RBP7: variants seen among roughly 807,000 people sequenced by gnomAD.
RBP7 encodes retinoid-binding protein 7.
A neutral mutation model predicts 16.7 loss-of-function variants in RBP7; 13 were observed. The ratio of observed to expected loss-of-function variants is 0.78; its 90% CI spans 0.51 to 1.24. The LOEUF is 1.24. RBP7 is among the 50% of genes most tolerant of loss of function. RBP7 has a pLI of 0.00. For synonymous variants in RBP7, 54 were observed against 56.2 expected (o/e 0.96, Z 0.17); for missense variants, 145 against 159.5 (o/e 0.91, Z 0.49).
intron 1 of RBP7, among the ~76,000 whole-genome samples, chr1:10,003,142 G>A (rs1002473725): frequency 6.6e-5 from 10 of 152,088 alleles, no homozygotes; most frequent in African/African-American, 1.4e-4. Flanking sequence ...TAAACCACCC[G>A]TTAGCCGGGC....
At chr1:10,011,772 C>T (rs1642624718) in intron 3 of RBP7, among the ~76,000 whole-genome samples, 1 of 151,938 alleles carries the variant, frequency 6.6e-6, no homozygotes, top group Admixed American at 6.6e-5. Flanking sequence ...AGTAAGAGGT[C>T]AGGCATGGGA....
intron 1 of RBP7, among the ~76,000 whole-genome samples, chr1:10,000,329 T>A (rs112502382): frequency 0.027 from 4,045 of 150,914 alleles, 65 homozygotes; most frequent in African/African-American, 0.036. Flanking sequence ...GTCAGGAGTT[T>A]GAGACCAGCC....
chr1:10,001,962 G>A (rs2101732750), intron 1 of RBP7, among the ~76,000 whole-genome samples: 1 of 152,150 alleles, frequency 6.6e-6, no homozygotes, highest in East Asian at 1.9e-4. Flanking sequence ...CCAAGTAGCT[G>A]GGATTACAGG....
intron 1 of RBP7, among the ~76,000 whole-genome samples, chr1:10,002,792 C>T (rs1428636901): frequency 6.6e-6 from 1 of 152,184 alleles, no homozygotes; most frequent in African/African-American, 2.4e-5. Context: ...GCCTGAGCCA[C>T]TGGACCTGGC....
At chr1:10,000,298 G>T (rs868657266) in intron 1 of RBP7, among the ~76,000 whole-genome samples, 34 of 151,626 alleles carry the variant, frequency 2.2e-4, no homozygotes, top group African/African-American at 8.2e-4. Flanking sequence ...TTGGGAGGCC[G>T]AGGTGGGTGG....
chr1:10,014,277 G>A, intron 3 of RBP7, among the ~76,000 whole-genome samples: 1 of 152,138 alleles, frequency 6.6e-6, no homozygotes, highest in Admixed American at 6.6e-5. Context: ...GAACATTCAT[G>A]TGTGTGGTGA....
At chr1:10,009,635 G>A (rs570482808) in intron 3 of RBP7, among the ~76,000 whole-genome samples, 3 of 150,658 alleles carry the variant, frequency 2.0e-5, no homozygotes, top group South Asian at 2.1e-4. Flanking sequence ...GGGTTCAAGC[G>A]ATCCTCCCAC....
intron 3 of RBP7, among the ~76,000 whole-genome samples, chr1:10,011,436 T>C (rs1380602979): frequency 6.6e-6 from 1 of 152,204 alleles, no homozygotes. Context: ...TATAGCTGTC[T>C]AGGTTACAGC....
chr1:10,013,931 G>A (rs1378964257), intron 3 of RBP7, among the ~76,000 whole-genome samples: 2 of 152,010 alleles, frequency 1.3e-5, no homozygotes, highest in Non-Finnish European at 2.9e-5. Context: ...AGCCATGACT[G>A]CACCACTGCA....
At chr1:10,014,793 T>A (rs888769727) in intron 3 of RBP7, among the ~76,000 whole-genome samples, 1 of 152,134 alleles carries the variant, frequency 6.6e-6, no homozygotes, top group Non-Finnish European at 1.5e-5. Flanking sequence ...GAGGAGGGGT[T>A]GTGGGAAAAC....
chr1:10,010,345 A>C (rs949963083), intron 3 of RBP7, among the ~76,000 whole-genome samples: 1 of 151,798 alleles, frequency 6.6e-6, no homozygotes, highest in African/African-American at 2.4e-5. Flanking sequence ...CAAACCCCTG[A>C]CCTCAGGTGA....
At chr1:10,011,309 A>T (rs1642610212) in intron 3 of RBP7, among the ~76,000 whole-genome samples, 1 of 152,156 alleles carries the variant, frequency 6.6e-6, no homozygotes, top group Admixed American at 6.6e-5. Flanking sequence ...AGAAACAGGG[A>T]AGTGAGTCTG....
At chr1:10,004,601 CT>C (rs1642378519) in intron 1 of RBP7, among the ~76,000 whole-genome samples, 5 of 151,996 alleles carry the variant, frequency 3.3e-5, no homozygotes, top group Admixed American at 2.0e-4. Context: ...TCGCGTTGGT[CT>C]GCCCGCCTCG....
At chr1:10,000,970 G>A (rs867813859) in intron 1 of RBP7, among the ~76,000 whole-genome samples, 12 of 151,926 alleles carry the variant, frequency 7.9e-5, no homozygotes, top group African/African-American at 2.4e-4. Context: ...TCCTGACCTC[G>A]TGATCCACCC....
At chr1:10,013,411 GTGGTTCACTTCCGTAAT>G (rs1642683380) in intron 3 of RBP7, among the ~76,000 whole-genome samples, 1 of 152,048 alleles carries the variant, frequency 6.6e-6, no homozygotes, top group Non-Finnish European at 1.5e-5. Context: ...GCTGGGTGTG[GTGGTTCACTTCCGTAAT>G]CCCAGCACTT....
chr1:10,008,222 A>G lies in RBP7; in HGVS notation c.302A>G (p.Glu101Gly). The G allele has an allele frequency of 6.2e-7, 1 of 1,613,354 alleles. No individual in the cohort carries two copies. The highest frequency in any genetic ancestry group is 1.3e-5 in the African/African-American group (1 of 74,866). The change falls in exon 3 of 4, where the codon GAA (glutamate) becomes GGA (glycine). Residue 101 changes from glutamate to glycine, a missense_variant. By Grantham distance (98) the Glu-to-Gly change is moderately conservative. Coordinates refer to ENST00000294435, the MANE Select transcript of RBP7 (RefSeq NM_052960.3). ...NDRLTCIQKGEKKNRGWTHWI... is the reference protein window; with the variant it reads ...NDRLTCIQKGGKKNRGWTHWI... ...AGGCTCACCTGTATCCAGAAGGGAGAAAAGAAGAACAGAGGCTGGACCCAT... is the reference window on the plus strand; with the variant it reads ...AGGCTCACCTGTATCCAGAAGGGAGGAAAGAAGAACAGAGGCTGGACCCAT...
chr1:10,015,957 G>A lies in RBP7; in HGVS notation c.*125G>A, dbSNP rs533508177. ...TCGTGGCTGGAGAGAGCCACACAGCGTGTAACCTGAAGTCATCTAGATTAT... is the reference window on the plus strand; with the variant it reads ...TCGTGGCTGGAGAGAGCCACACAGCATGTAACCTGAAGTCATCTAGATTAT... On this transcript the variant is annotated 3_prime_UTR_variant, in exon 4 of 4. Transcript: ENST00000294435. 1.1e-4 allele frequency: 88 copies of A among 800,572 alleles called. 1 individual carries two copies. Among genetic ancestry groups the A allele is most frequent in the South Asian group, 1.0e-3 (70 of 67,128 alleles). The allele number at this position is 800,572 out of a possible 1,614,324, so 49.6% of individuals were successfully genotyped here.
In RBP7 at chr1:9,997,241, G is replaced by C. The variant is rs749027422; in HGVS notation, c.-18G>C. ...GAGCCTCCGGCCGCCCGCCGGGTTT[G>C]TCCCGCGATCCCCGACCATGCCCGC... On this transcript the variant is annotated 5_prime_UTR_variant, in exon 1 of 4. Transcript: ENST00000294435. This position sits in a 1 kb window ranked among gnomAD's most constrained non-coding sequence, Gnocchi z 5.9. The C allele has an allele frequency of 2.0e-5, 31 of 1,551,442 alleles. No individual in the cohort carries two copies. The South Asian group carries it at 3.2e-4, about 16-fold the overall frequency.
rs576906642 is a variant in RBP7, at chr1:10,004,678, C to T, written c.74-2892C>T. Among the ~76,000 whole-genome samples, 35 of 152,288 alleles carry T rather than the reference C, an allele frequency of 2.3e-4. No homozygotes were observed. The East Asian group carries it at 6.2e-3, about 27-fold the overall frequency. ...CCCGGCGCCTCACAGATTTTAAAAG[C>T]GTAACTCTAAACTCATTGTTAGTCT... is the stretch of plus-strand genomic sequence containing the variant. On this transcript the variant is annotated intron_variant, in intron 1 of 3. Transcript: ENST00000294435.
Sources: allele counts gnomAD v4.1 joint callset (sites outside exome capture counted in the v4.1 genomes callset), GRCh38; gene constraint gnomAD v4.1.1; non-coding constraint Gnocchi (gnomAD v3.1); transcripts MANE v1.5; gene names NCBI Gene and HGNC (gene_info 2026-07-23, HGNC 2026-07-21).